RABIF: variants seen among roughly 807,000 people sequenced by gnomAD.
RABIF encodes the protein guanine nucleotide exchange factor MSS4.
Under a neutral mutation model 12.3 loss-of-function variants are expected in RABIF, and 13 were observed. That is an observed-to-expected ratio of 1.06 (90% CI 0.69 to 1.68). The LOEUF is 1.68. Ranked by LOEUF, RABIF falls within the 40% of genes most tolerant of loss-of-function variation. The pLI, the probability that RABIF is intolerant of heterozygous loss-of-function variation, is 0.00. For missense variants in RABIF, 153 were observed against 158.0 expected (o/e 0.97, Z 0.17); for synonymous variants, 70 against 63.3 (o/e 1.11, Z -0.50).
At position 202,889,039 on chromosome 1, in the gene RABIF, C is replaced by T; in HGVS notation, c.60G>A (p.Ala20=). 2 of 1,610,110 alleles carry T rather than the reference C, an allele frequency of 1.2e-6. No individual in the cohort carries two copies. The highest frequency in any genetic ancestry group is 1.3e-5 in the African/African-American group (1 of 74,920). ...LVSAEGRNRK[A]VLCQRCGSRV... is the part of the protein sequence containing the mutation. ...GGGAGCCGCAACGCTGGCACAGCAC[C>T]GCCTTCCGGTTTCGGCCCTCGGCTG... The change falls in exon 1 of 2, where the codon GCG becomes GCA. Residue 20 remains alanine (A), a synonymous_variant. Coordinates refer to ENST00000367262, the MANE Select transcript of RABIF (RefSeq NM_002871.5).
chr1:202,881,158 G>T lies in RABIF; in HGVS notation c.192C>A (p.Leu64=), dbSNP rs765233170. 6.2e-7 allele frequency: 1 copy of T among 1,614,232 alleles called. No homozygotes were observed. The highest frequency in any genetic ancestry group is 8.5e-7 in the Non-Finnish European group (1 of 1,180,056). ...CCTCAACCAGCCAGTGTTCCTGGAG[G>T]AGATCGCCGTCAGGATTGCTGCCGT... is the stretch of plus-strand genomic sequence containing the variant. ...LSDGSNPDGD[L]LQEHWLVEDM... Residue 64 remains leucine (L), a synonymous_variant, in exon 2 of 2, where the codon CTC becomes CTA. Transcript: ENST00000367262.
At chr1:202,884,539 G>C (rs984957784) in intron 1 of RABIF, among the ~76,000 whole-genome samples, 1 of 152,150 alleles carries the variant, frequency 6.6e-6, no homozygotes, top group African/African-American at 2.4e-5. Context: ...TGGGACACTT[G>C]TGCGGGGAGC....
intron 1 of RABIF, among the ~76,000 whole-genome samples, chr1:202,883,587 G>C (rs1235546800): frequency 6.6e-6 from 1 of 152,194 alleles, no homozygotes; most frequent in Non-Finnish European, 1.5e-5. Context: ...CAGTGGACTA[G>C]TTAAGACATC....
chr1:202,886,239 C>CGGGGA (rs1346320588), intron 1 of RABIF, among the ~76,000 whole-genome samples: 2 of 86,982 alleles, frequency 2.3e-5, no homozygotes, highest in East Asian at 4.0e-4. Context: ...GGAACGGGAA[C>CGGGGA]GGGGAGGGGA....
At chr1:202,882,606 T>C (rs1383263234) in intron 1 of RABIF, among the ~76,000 whole-genome samples, 6 of 152,156 alleles carry the variant, frequency 3.9e-5, no homozygotes, top group Admixed American at 3.3e-4. Context: ...ACATGTATAC[T>C]GGTGAAACCA....
chr1:202,884,623 C>T (rs1037436665), intron 1 of RABIF, among the ~76,000 whole-genome samples: 79 of 152,154 alleles, frequency 5.2e-4, no homozygotes, highest in Non-Finnish European at 5.7e-4. Context: ...GGTCCATGTA[C>T]GGACGGAGGT....
In RABIF at chr1:202,888,946, TAAACGGC is replaced by T; in HGVS notation, c.126+20_126+26del. 6.6e-7 allele frequency: 1 copy of T among 1,520,586 alleles called. No individual in the cohort carries two copies. The highest frequency in any genetic ancestry group is 8.8e-7 in the Non-Finnish European group (1 of 1,130,706). The allele number at this position is 1,520,586 out of a possible 1,614,324, so 94.2% of individuals were successfully genotyped here. A position where few individuals can be genotyped will look rare whatever the true frequency, so the allele number is the denominator to read the frequency against. ...GGCTCGTCGGGGGAGACTGTGGGTGTAAACGGCCTCCAACCTGCCTCCCTACCTGTCG... is the reference window on the plus strand; with the variant it reads ...GGCTCGTCGGGGGAGACTGTGGGTGTCTCCAACCTGCCTCCCTACCTGTCG... On this transcript the variant is annotated intron_variant, in intron 1 of 1. Coordinates refer to ENST00000367262, the MANE Select transcript of RABIF (RefSeq NM_002871.5).
Sources: gnomAD v4.1 joint callset for allele counts (sites outside exome capture counted in the v4.1 genomes callset) on GRCh38, gnomAD v4.1.1 for gene constraint, MANE v1.5 for transcripts, NCBI Gene and HGNC (gene_info 2026-07-23, HGNC 2026-07-21) for gene names.